The following AJAP1 variants were observed in gnomAD, a reference collection of about 807,000 sequenced individuals.
AJAP1 encodes the protein adherens junctions associated protein 1.
AJAP1 carries 5 observed loss-of-function variants against 35.0 expected under a neutral mutation model. That is an observed-to-expected ratio of 0.14 (90% CI 0.07 to 0.30). AJAP1 has a LOEUF of 0.30. Among genes scored for constraint, AJAP1 ranks in the 10% least tolerant of loss-of-function variants. The pLI is 1.00. For synonymous variants in AJAP1, 284 were observed against 249.3 expected (o/e 1.14, Z -1.31); for missense variants, 586 against 571.0 (o/e 1.03, Z -0.27).
At chr1:4,713,387 G>C (rs1289343362) in intron 2 of AJAP1, among the ~76,000 whole-genome samples, 1 of 152,224 alleles carries the variant, frequency 6.6e-6, no homozygotes, top group Non-Finnish European at 1.5e-5. Context: ...TGGTTCTTCT[G>C]CTGCTGTTAT....
chr1:4,726,523 T>A (rs1640663324), intron 2 of AJAP1, among the ~76,000 whole-genome samples: 3 of 151,768 alleles, frequency 2.0e-5, no homozygotes, highest in African/African-American at 7.3e-5. Flanking sequence ...CTAGAGGAGA[T>A]CCGGTTGTGG....
chr1:4,726,994 G>A (rs1048353895), intron 2 of AJAP1, among the ~76,000 whole-genome samples: 3 of 152,216 alleles, frequency 2.0e-5, no homozygotes, highest in Admixed American at 6.5e-5. Context: ...ATCCCTGTGT[G>A]AGAGCCCCCG....
At chr1:4,750,502 A>G (rs1041694278) in intron 2 of AJAP1, among the ~76,000 whole-genome samples, 2 of 152,222 alleles carry the variant, frequency 1.3e-5, no homozygotes, top group East Asian at 1.9e-4. Flanking sequence ...CTGCAGACAG[A>G]GCAGTGCCCT....
Position 4,712,801 on chromosome 1 carries a change from A to T in AJAP1, c.829+102A>T, listed in dbSNP as rs932888455. 16 of 1,255,712 alleles carry T rather than the reference A, an allele frequency of 1.3e-5. No homozygotes were observed. In the Admixed American group the frequency reaches 3.6e-4, roughly 28 times the overall value. 77.8% of individuals were successfully genotyped at this position (1,255,712 alleles called of 1,614,324 possible). A position where few individuals can be genotyped will look rare whatever the true frequency, so the allele number is the denominator to read the frequency against. ...TGTCCCTGGGTGATGCTATGTGTGG[A>T]GGCTCCAGGAGATGCAGGCGTGATG... On this transcript the variant is annotated intron_variant, in intron 2 of 5. Coordinates refer to ENST00000378191, the MANE Select transcript of AJAP1 (RefSeq NM_018836.4).
At chr1:4,717,063 G>A (rs964998270) in intron 2 of AJAP1, among the ~76,000 whole-genome samples, 2 of 152,216 alleles carry the variant, frequency 1.3e-5, no homozygotes, top group African/African-American at 4.8e-5. Context: ...TCCCCACAGT[G>A]CAGCCCCAGC....
chr1:4,661,804 A>C (rs1639005228), intron 1 of AJAP1, among the ~76,000 whole-genome samples: 1 of 152,360 alleles, frequency 6.6e-6, no homozygotes, highest in South Asian at 2.1e-4. Context: ...TTTATGGTCA[A>C]ATGACAGATT....
intron 2 of AJAP1, among the ~76,000 whole-genome samples, chr1:4,757,008 G>T (rs1016334902): frequency 6.6e-6 from 1 of 152,152 alleles, no homozygotes; most frequent in African/African-American, 2.4e-5. Context: ...GGCAGAGCCG[G>T]GGGTTCCCTG....
At chr1:4,702,452 G>A (rs114437750) in intron 1 of AJAP1, among the ~76,000 whole-genome samples, 1,958 of 152,376 alleles carry the variant, frequency 0.013, 46 homozygotes, top group African/African-American at 0.044. Context: ...AGGTCAGTTA[G>A]AGAGTTTGGC....
At chr1:4,743,479 G>A (rs771961872) in intron 2 of AJAP1, among the ~76,000 whole-genome samples, 1 of 152,134 alleles carries the variant, frequency 6.6e-6, no homozygotes, top group Admixed American at 6.5e-5. Context: ...GCTGCCACCC[G>A]CGCCTGCTCC....
At chr1:4,675,985 G>A (rs566887567) in intron 1 of AJAP1, among the ~76,000 whole-genome samples, 2 of 152,232 alleles carry the variant, frequency 1.3e-5, no homozygotes, top group Non-Finnish European at 2.9e-5. Flanking sequence ...GGACGCCCAC[G>A]TTTAGGAGGA....
intron 1 of AJAP1, among the ~76,000 whole-genome samples, chr1:4,664,359 G>T (rs550283539): frequency 2.6e-5 from 4 of 152,190 alleles, no homozygotes; most frequent in Admixed American, 2.0e-4. Context: ...GCCTGGCACC[G>T]CACAGAACAT....
At chr1:4,675,489 G>A (rs897405556) in intron 1 of AJAP1, among the ~76,000 whole-genome samples, 1 of 152,180 alleles carries the variant, frequency 6.6e-6, no homozygotes, top group Non-Finnish European at 1.5e-5. Context: ...TGTCCCGAGC[G>A]TTTATTACTG....
chr1:4,702,315 T>C (rs1214380963), intron 1 of AJAP1, among the ~76,000 whole-genome samples: 2 of 152,184 alleles, frequency 1.3e-5, no homozygotes, highest in Admixed American at 6.5e-5. Context: ...CACTGTGACT[T>C]GAATCAGGCC....
At chr1:4,717,754 C>G (rs1640428773) in intron 2 of AJAP1, among the ~76,000 whole-genome samples, 2 of 152,148 alleles carry the variant, frequency 1.3e-5, no homozygotes, top group Admixed American at 1.3e-4. Flanking sequence ...AGGAGCAAGC[C>G]TCATGATGGT....
At chr1:4,658,332 C>T (rs1179921904) in intron 1 of AJAP1, among the ~76,000 whole-genome samples, 1 of 152,154 alleles carries the variant, frequency 6.6e-6, no homozygotes, top group Non-Finnish European at 1.5e-5. Flanking sequence ...ATTCACAGTT[C>T]CCCAAGCCCT....
intron 1 of AJAP1, among the ~76,000 whole-genome samples, chr1:4,668,745 T>C (rs1252921241): frequency 1.3e-5 from 2 of 152,192 alleles, no homozygotes; most frequent in Non-Finnish European, 2.9e-5. Flanking sequence ...CGGGGTCCCC[T>C]GCCTGGGAGA....
chr1:4,703,853 C>A (rs1017140427), intron 1 of AJAP1, among the ~76,000 whole-genome samples: 1 of 152,194 alleles, frequency 6.6e-6, no homozygotes, highest in Admixed American at 6.5e-5. Flanking sequence ...ATCTGAATGT[C>A]CCTGAGAACA....
At chr1:4,731,666 C>G (rs1458543296) in intron 2 of AJAP1, among the ~76,000 whole-genome samples, 2 of 152,200 alleles carry the variant, frequency 1.3e-5, no homozygotes, top group African/African-American at 4.8e-5. Flanking sequence ...GGGTCCCCAA[C>G]AGAGCTGGCT....
chr1:4,667,008 C>T (rs889737337), intron 1 of AJAP1, among the ~76,000 whole-genome samples: 3 of 151,938 alleles, frequency 2.0e-5, no homozygotes, highest in East Asian at 1.9e-4. Context: ...GAGAGGGGCC[C>T]GTGAATCATG....
Sources: gnomAD v4.1 joint callset for allele counts (sites outside exome capture counted in the v4.1 genomes callset) on GRCh38, gnomAD v4.1.1 for gene constraint, MANE v1.5 for transcripts, NCBI Gene and HGNC (gene_info 2026-07-23, HGNC 2026-07-21) for gene names.